ATP1A4: variants seen among roughly 807,000 people sequenced by gnomAD.
ATP1A4 encodes ATPase Na+/K+ transporting subunit alpha 4, also known as sodium/potassium-transporting ATPase subunit alpha-4.
In ATP1A4, 90 loss-of-function variants were observed where a neutral mutation model predicts 114.3. The observed-to-expected ratio is 0.79, with a 90% CI of 0.66 to 0.94. ATP1A4 has a LOEUF of 0.94. ATP1A4 is among the 40% of genes least tolerant of loss of function. The probability of loss-of-function intolerance (pLI) is 0.00; values close to 1 mark genes in which losing one functional copy is unlikely to be tolerated. For missense variants in ATP1A4, 1,222 were observed against 1,313.6 expected, an observed-to-expected ratio of 0.93 and a Z score of 1.08; for synonymous variants, 511 against 494.1, an observed-to-expected ratio of 1.03 and a Z score of -0.45.
At chr1:160,173,441 C>G (rs1653337159) in intron 12 of ATP1A4, 140 bp from the exon 13 acceptor site, 1 of 1,239,644 alleles carries the variant, frequency 8.1e-7, no homozygotes, top group Admixed American at 2.3e-5. Flanking sequence ...GGTTTTTGGT[C>G]TACACCACAA....
chr1:160,158,005 C>G (rs982250260), intron 4 of ATP1A4, among the ~76,000 whole-genome samples: 21 of 152,174 alleles, frequency 1.4e-4, no homozygotes, highest in Non-Finnish European at 4.4e-5. Flanking sequence ...GGATTTCCTT[C>G]TCTTTTTGGT....
rs926791354 is a variant in ATP1A4, at chr1:160,159,130, A to T, written c.654A>T (p.Gly218=). 6.2e-7 allele frequency: 1 copy of T among 1,613,810 alleles called. No homozygotes were observed. Among genetic ancestry groups the T allele is most frequent in the Non-Finnish European group, 8.5e-7 (1 of 1,179,822 alleles). Residue 218 remains glycine (G), a synonymous_variant, in exon 5 of 22, where the codon GGA becomes GGT. Transcript: ENST00000368081. ...PADLRLISAQ[G]CKVDNSSLTG... ...ACCTCCGGCTTATCTCTGCACAAGGATGTAAGGTGAGGGGATGCCGAAAGC... is the reference window on the plus strand; with the variant it reads ...ACCTCCGGCTTATCTCTGCACAAGGTTGTAAGGTGAGGGGATGCCGAAAGC...
rs781302938 is a variant in ATP1A4, at chr1:160,166,573, C to T, written c.1093C>T (p.Leu365=). 35 of 1,614,142 alleles carry T rather than the reference C, an allele frequency of 2.2e-5. No individual in the cohort carries two copies. Among genetic ancestry groups the T allele is most frequent in the Non-Finnish European group, 2.8e-5 (33 of 1,180,056 alleles). ...CAAGCGCATGGCGCGGAAGAACTGCCTGGTGAAGAACCTGGAGGCGGTGGA... is the reference window on the plus strand; with the variant it reads ...CAAGCGCATGGCGCGGAAGAACTGCTTGGTGAAGAACCTGGAGGCGGTGGA... ...TAKRMARKNC[L]VKNLEAVETL... is the part of the protein sequence containing the mutation. The change falls in exon 8 of 22, where the codon CTG becomes TTG. Residue 365 remains leucine (L), a synonymous_variant. Coordinates refer to ENST00000368081, the MANE Select transcript of ATP1A4 (RefSeq NM_144699.4).
In ATP1A4 at chr1:160,173,628, C is replaced by T. The variant is rs1271505017; in HGVS notation, c.1902C>T (p.Ala634=). 1.2e-6 allele frequency: 2 copies of T among 1,614,158 alleles called. No homozygotes were observed. The highest frequency in any genetic ancestry group is 2.2e-5 in the East Asian group (1 of 44,872). Residue 634 remains alanine (A), a synonymous_variant, in exon 13 of 22, where the codon GCC becomes GCT. Coordinates refer to ENST00000368081, the MANE Select transcript of ATP1A4 (RefSeq NM_144699.4). Reference sequence around the variant, plus strand: ...ATCCCATTACAGCTAAGGCCATTGCCAAGGGTGTGGGCATCATCTCAGAAG... The same window carrying T: ...ATCCCATTACAGCTAAGGCCATTGCTAAGGGTGTGGGCATCATCTCAGAAG... ...GDHPITAKAI[A]KGVGIISEGT...
At chr1:160,167,547 C>T (rs1254149288) in intron 10 of ATP1A4, 135 bp downstream of exon 10, 13 of 1,213,866 alleles carry the variant, frequency 1.1e-5, no homozygotes, top group Middle Eastern at 4.2e-4. Flanking sequence ...TCCCAATTAA[C>T]GGAAGACTCA....
At chr1:160,167,204 C>T (rs1653072893) in intron 9 of ATP1A4, 74 bp from the exon 10 acceptor site, 4 of 1,567,150 alleles carry the variant, frequency 2.6e-6, no homozygotes. Context: ...GTCCCCTCTC[C>T]ATGTTGCCAC....
At chr1:160,173,843 A>T (rs769616023) in intron 13 of ATP1A4, 126 bp downstream of exon 13, 52 of 1,223,492 alleles carry the variant, frequency 4.3e-5, no homozygotes, top group Non-Finnish European at 5.5e-5. Context: ...GGTTTACACT[A>T]CAAAGTAAAA....
In ATP1A4 at chr1:160,156,035, C is replaced by G; in HGVS notation, c.412-10C>G. The G allele has an allele frequency of 6.4e-7, 1 of 1,572,852 alleles. No individual in the cohort carries two copies. Among genetic ancestry groups the G allele is most frequent in the Non-Finnish European group, 8.8e-7 (1 of 1,142,528 alleles). On this transcript the variant is annotated splice_polypyrimidine_tract_variant and intron_variant, in intron 3 of 21. Coordinates refer to ENST00000368081, the MANE Select transcript of ATP1A4 (RefSeq NM_144699.4). The stretch of plus-strand genomic sequence containing the variant: ...TCCCACTGATAAACGCTTTCTTTCC[C>G]CACCCTCAGCTCTACCTGAGCATCG...
Position 160,151,923 on chromosome 1 carries a change from TC to T in ATP1A4, c.-114del. The T allele has an allele frequency of 8.4e-7, 1 of 1,187,564 alleles. No homozygotes were observed. The allele number at this position is 1,187,564 out of a possible 1,614,324, so 73.6% of individuals were successfully genotyped here. On this transcript the variant is annotated 5_prime_UTR_variant, in exon 1 of 22. Transcript: ENST00000368081. Reference sequence around the variant, plus strand: ...TCTTTCTTTCTGCTCCCTCATTCTCTCCCCACCACTCTCTTCTCGTGGCCCC... The same window carrying T: ...TCTTTCTTTCTGCTCCCTCATTCTCTCCCACCACTCTCTTCTCGTGGCCCC...
At chr1:160,185,497 G>T (rs775582837) in intron 20 of ATP1A4, among the ~76,000 whole-genome samples, 7 of 152,112 alleles carry the variant, frequency 4.6e-5, no homozygotes, top group Non-Finnish European at 1.0e-4. Context: ...CTCAAAGGTA[G>T]GGCTCAGGCC....
chr1:160,166,045 AG>A (rs1653018728), intron 7 of ATP1A4, among the ~76,000 whole-genome samples: 1 of 152,162 alleles, frequency 6.6e-6, no homozygotes, highest in Admixed American at 6.5e-5. Flanking sequence ...CAAGGCATGC[AG>A]ATCACTTGAG....
In ATP1A4 at chr1:160,156,059, C is replaced by G. The variant is rs141961417; in HGVS notation, c.426C>G (p.Ile142Met). The change falls in exon 4 of 22, where the codon ATC (isoleucine) becomes ATG (methionine). Residue 142 changes from isoleucine to methionine, a missense_variant. Transcript: ENST00000368081. ...EPTKDNLYLS[I>M]VLSVVVIVTG... ...CCCACCCTCAGCTCTACCTGAGCAT[C>G]GTACTGTCCGTCGTGGTCATCGTCA... is the stretch of plus-strand genomic sequence containing the variant. The G allele has an allele frequency of 5.6e-6, 9 of 1,612,432 alleles. No individual in the cohort carries two copies. Among genetic ancestry groups the G allele is most frequent in the African/African-American group, 1.3e-5 (1 of 74,990 alleles).
rs757224961 is a variant in ATP1A4 at position 160,164,184 on chromosome 1, G to A, written c.807G>A (p.Thr269=). The change falls in exon 7 of 22, where the codon ACG becomes ACA. Residue 269 remains threonine, a synonymous_variant. Coordinates refer to ENST00000368081, the MANE Select transcript of ATP1A4 (RefSeq NM_144699.4). Reference sequence around the variant, plus strand: ...CCGCCCGGGGTATTGTGATTGCTACGGGAGACTCCACAGTGATGGGCAGAA... The same window carrying A: ...CCGCCCGGGGTATTGTGATTGCTACAGGAGACTCCACAGTGATGGGCAGAA... ...EGTARGIVIA[T]GDSTVMGRIA... 58 of 1,614,006 alleles carry A rather than the reference G, an allele frequency of 3.6e-5. 1 individual carries two copies. The highest frequency in any genetic ancestry group is 3.4e-4 in the South Asian group (31 of 91,074).
Position 160,176,602 on chromosome 1 carries a change from G to T in ATP1A4, c.2590G>T (p.Gly864Trp). The T allele has an allele frequency of 6.2e-7, 1 of 1,613,764 alleles. No individual in the cohort carries two copies. The change falls in exon 17 of 22, where the codon GGG becomes TGG. Residue 864 changes from glycine to tryptophan, a missense_variant and splice_region_variant. By Grantham distance (184) the Gly-to-Trp change is radical. Transcript: ENST00000368081. ...CATTGGCATGGCCTATGGACAGATT[G>T]GTGCGCCCAGAGGAATGAGGGGTGG... ...RLIGMAYGQI[G>W]MIQALAGFFT... is the part of the protein sequence containing the mutation.
intron 20 of ATP1A4, among the ~76,000 whole-genome samples, chr1:160,184,276 G>T (rs1653808042): frequency 6.6e-6 from 1 of 152,050 alleles, no homozygotes; most frequent in South Asian, 2.1e-4. Flanking sequence ...TTGAGGCGGG[G>T]GTGTAGTGGC....
chr1:160,182,183 G>T, intron 20 of ATP1A4, 152 bp downstream of exon 20: 1 of 665,736 alleles, frequency 1.5e-6, no homozygotes. Flanking sequence ...AGTCATCTGT[G>T]CTCTGATAAG....
Position 160,159,484 on chromosome 1 carries a change from G to A in ATP1A4, c.736G>A (p.Glu246Lys), listed in dbSNP as rs891659043. 1.2e-6 allele frequency: 2 copies of A among 1,613,312 alleles called. No individual in the cohort carries two copies. Among genetic ancestry groups the A allele is most frequent in the Non-Finnish European group, 1.7e-6 (2 of 1,179,826 alleles). Residue 246 changes from glutamate to lysine, a missense_variant, in exon 6 of 22, where the codon GAG (glutamate) becomes AAG (lysine). Glu to Lys is a moderately conservative substitution (Grantham distance 56). Transcript: ENST00000368081. The part of the protein sequence containing the change: ...SPDFTHENPL[E>K]TRNICFFSTN... Reference sequence around the variant, plus strand: ...TGACTTCACCCATGAGAACCCTCTGGAGACCCGAAACATCTGCTTCTTTTC... The same window carrying A: ...TGACTTCACCCATGAGAACCCTCTGAAGACCCGAAACATCTGCTTCTTTTC...
intron 11 of ATP1A4, 68 bp downstream of exon 11, chr1:160,171,508 A>T: frequency 6.2e-7 from 1 of 1,600,202 alleles, no homozygotes; most frequent in Non-Finnish European, 8.5e-7. Context: ...GGGGTGAGAA[A>T]TCAAGGATGT....
At chr1:160,184,810 A>G (rs1410363590) in intron 20 of ATP1A4, among the ~76,000 whole-genome samples, 2 of 152,154 alleles carry the variant, frequency 1.3e-5, no homozygotes, top group African/African-American at 4.8e-5. Flanking sequence ...TCCTGATTCA[A>G]CCCCTCCCCA....
Sources: gnomAD v4.1 joint callset for allele counts (sites outside exome capture counted in the v4.1 genomes callset) on GRCh38, gnomAD v4.1.1 for gene constraint, MANE v1.5 for transcripts, NCBI Gene and HGNC (gene_info 2026-07-23, HGNC 2026-07-21) for gene names.